The following NOVA2 variants were observed in gnomAD, a reference collection of about 807,000 sequenced individuals.
NOVA2 encodes the protein NOVA alternative splicing regulator 2, also known as RNA-binding protein Nova-2.
A neutral mutation model predicts 22.5 loss-of-function variants in NOVA2; 9 were observed. That is an observed-to-expected ratio of 0.40 (90% CI 0.24 to 0.70). The LOEUF (loss-of-function observed/expected upper bound fraction) is 0.70. NOVA2 is among the 30% of genes least tolerant of loss of function. The probability of loss-of-function intolerance (pLI) is 0.38; values close to 1 mark genes in which losing one functional copy is unlikely to be tolerated. For synonymous variants in NOVA2, 318 were observed against 335.2 expected (o/e 0.95, Z 0.56); for missense variants, 383 against 682.8 (o/e 0.56, Z 4.89).
chr19:45,940,667 G>C lies in NOVA2; in HGVS notation c.675C>G (p.Asn225Lys). The C allele has an allele frequency of 6.3e-7, 1 of 1,593,626 alleles. No individual in the cohort carries two copies. Among genetic ancestry groups the C allele is most frequent in the Non-Finnish European group, 8.5e-7 (1 of 1,172,158 alleles). ...GGCTGGCGTACGGAGAGCCGGTGGGGTTGGAGTTGGCCACGGGGCCTGCCA... is the reference window on the plus strand; with the variant it reads ...GGCTGGCGTACGGAGAGCCGGTGGGCTTGGAGTTGGCCACGGGGCCTGCCA... Reference protein sequence around the residue: ...ANVAGPVANSNPTGSPYASPA... With the variant: ...ANVAGPVANSKPTGSPYASPA... Residue 225 changes from asparagine to lysine, a missense_variant, in exon 4 of 4, where the codon AAC becomes AAG. Asn to Lys is a moderately conservative substitution (Grantham distance 94). Transcript: ENST00000263257.
At chr19:45,963,650 G>A (rs954944214) in intron 1 of NOVA2, among the ~76,000 whole-genome samples, 1 of 151,608 alleles carries the variant, frequency 6.6e-6, no homozygotes, top group African/African-American at 2.4e-5. Flanking sequence ...TCCTGCCTCA[G>A]CCTCCCGAGT....
In NOVA2 at chr19:45,933,916, T is replaced by G. The variant is rs1967624975; in HGVS notation, c.*5947A>C. 6.6e-6 allele frequency: 1 copy of G among 150,516 alleles called. No homozygotes were observed. Among genetic ancestry groups the G allele is most frequent in the African/African-American group, 2.5e-5 (1 of 40,654 alleles). 9.3% of individuals were successfully genotyped at this position (150,516 alleles called of 1,614,324 possible). On this transcript the variant is annotated 3_prime_UTR_variant, in exon 4 of 4. Transcript: ENST00000263257. ...GGTGGGCGTGGCCCAGGCATGGCAA[T>G]GTGGGGAGTGGGAGGAGACGGCAGT...
At chr19:45,953,689 A>G (rs151202150) in intron 3 of NOVA2, 91 bp downstream of exon 3, 750 of 1,490,090 alleles carry the variant, frequency 5.0e-4, no homozygotes, top group Non-Finnish European at 6.4e-4. Flanking sequence ...GCTTTGTCCC[A>G]TTGAACCTCA....
At chr19:45,944,766 G>A (rs1967812576) in intron 3 of NOVA2, among the ~76,000 whole-genome samples, 1 of 152,208 alleles carries the variant, frequency 6.6e-6, no homozygotes, top group African/African-American at 2.4e-5. Flanking sequence ...TAGATTAGTG[G>A]TTGCCAGGGA....
At position 45,953,913 on chromosome 19, in the gene NOVA2, G is replaced by A. The variant is rs781569043; in HGVS notation, c.263C>T (p.Thr88Met). ...GTGCACAGCATTCAAGGCCTCTGCC[G>A]TGCCCTGTACTAGGCATACCCGCTC... ...TTERVCLVQG[T>M]AEALNAVHSF... The change falls in exon 3 of 4, where the codon ACG becomes ATG. Residue 88 changes from threonine (T) to methionine (M), a missense_variant. Coordinates refer to ENST00000263257, the MANE Select transcript of NOVA2 (RefSeq NM_002516.4). 3.1e-6 allele frequency: 5 copies of A among 1,614,008 alleles called. No individual in the cohort carries two copies. Among genetic ancestry groups the A allele is most frequent in the Non-Finnish European group, 3.4e-6 (4 of 1,180,024 alleles).
At chr19:45,973,213 G>T in intron 1 of NOVA2, 54 bp downstream of exon 1, 1 of 1,047,668 alleles carries the variant, frequency 9.5e-7, no homozygotes, top group Non-Finnish European at 1.3e-6. Flanking sequence ...AAAGGATGGA[G>T]AAAGGCGAGG....
At chr19:45,946,690 G>A (rs867424414) in intron 3 of NOVA2, among the ~76,000 whole-genome samples, 3 of 152,028 alleles carry the variant, frequency 2.0e-5, no homozygotes, top group Non-Finnish European at 2.9e-5. Flanking sequence ...TGGCTAACAT[G>A]GTGAAACCCC....
intron 1 of NOVA2, among the ~76,000 whole-genome samples, chr19:45,971,388 C>T (rs1968230317): frequency 6.6e-6 from 1 of 151,930 alleles, no homozygotes; most frequent in Admixed American, 6.6e-5. Flanking sequence ...GGACTGGGAA[C>T]AGCAGTGGGG....
chr19:45,972,199 G>A (rs928392048), intron 1 of NOVA2, among the ~76,000 whole-genome samples: 5 of 151,670 alleles, frequency 3.3e-5, no homozygotes, highest in Non-Finnish European at 4.4e-5. Context: ...ACCCTCGTGC[G>A]TTTCACCCAC....
Position 45,953,794 on chromosome 19 carries a change from C to G in NOVA2, c.382G>C (p.Asp128His). ...ILQPQTTMNP[D>H]RAKQAKLIVP... ...CCCCAGCTGACCTGCTTGGCTCTGT[C>G]GGGGTTCATCGTGGTTTGGGGTTGA... The change falls in exon 3 of 4, where the codon GAC (aspartate) becomes CAC (histidine). Residue 128 changes from aspartate to histidine, a missense_variant. By Grantham distance (81) the Asp-to-His change is moderately conservative. Transcript: ENST00000263257. 1 of 1,614,140 alleles carries G rather than the reference C, an allele frequency of 6.2e-7. No individual in the cohort carries two copies. The highest frequency in any genetic ancestry group is 8.5e-7 in the Non-Finnish European group (1 of 1,180,036).
chr19:45,953,633 A>G lies in NOVA2; in HGVS notation c.396+147T>C, dbSNP rs532359441. The stretch of plus-strand genomic sequence containing the variant: ...TATTAGAGCTGACTCCCTAAAAATA[A>G]TACTAACCACTACCATGTGGTCTTT... On this transcript the variant is annotated intron_variant, in intron 3 of 3. Transcript: ENST00000263257. 1.7e-4 allele frequency: 162 copies of G among 955,806 alleles called. 1 individual carries two copies. In the African/African-American group the frequency reaches 2.2e-3, roughly 13 times the overall value. 59.2% of individuals were successfully genotyped at this position (955,806 alleles called of 1,614,324 possible). A position where few individuals can be genotyped will look rare whatever the true frequency, so the allele number is the denominator to read the frequency against.
rs1289379470 is a variant in NOVA2, at chr19:45,937,189, AG to A, written c.*2673del. 1.3e-5 allele frequency: 2 copies of A among 152,182 alleles called. No homozygotes were observed. The highest frequency in any genetic ancestry group is 4.8e-5 in the African/African-American group (2 of 41,426). 9.4% of individuals were successfully genotyped at this position (152,182 alleles called of 1,614,324 possible). On this transcript the variant is annotated 3_prime_UTR_variant, in exon 4 of 4. Coordinates refer to ENST00000263257, the MANE Select transcript of NOVA2 (RefSeq NM_002516.4). ...TATGAATAGGGAGGGGTTGTTACAC[AG>A]ACACCCCAAGCAAACACTTTTCAGG... is the stretch of plus-strand genomic sequence containing the variant.
At chr19:45,958,403 G>A (rs1431131418) in intron 2 of NOVA2, among the ~76,000 whole-genome samples, 1 of 151,718 alleles carries the variant, frequency 6.6e-6, no homozygotes, top group Non-Finnish European at 1.5e-5. Flanking sequence ...GCATGTGTGT[G>A]AGTGGGGTGT....
At chr19:45,971,035 G>C (rs953620299) in intron 1 of NOVA2, among the ~76,000 whole-genome samples, 3 of 152,140 alleles carry the variant, frequency 2.0e-5, no homozygotes, top group Non-Finnish European at 4.4e-5. Flanking sequence ...CTAGGGTTGG[G>C]TAAATTCTAG....
intron 1 of NOVA2, among the ~76,000 whole-genome samples, chr19:45,964,560 G>GTTCTCTCTCT (rs1364587148): frequency 2.4e-4 from 3 of 12,506 alleles, no homozygotes; most frequent in Non-Finnish European, 5.1e-4. Flanking sequence ...AACACTCTCT[G>GTTCTCTCTCT]ATCTCTCTCT....
chr19:45,964,378 G>A (rs1968141253), intron 1 of NOVA2, among the ~76,000 whole-genome samples: 1 of 149,416 alleles, frequency 6.7e-6, no homozygotes, highest in Admixed American at 6.7e-5. Context: ...GTGTGTGTGT[G>A]TGTGTGTGTG....
intron 1 of NOVA2, among the ~76,000 whole-genome samples, chr19:45,970,042 CCA>C (rs780427203): frequency 3.3e-4 from 50 of 152,186 alleles, no homozygotes; most frequent in Non-Finnish European, 6.3e-4. Flanking sequence ...TAGTGTCTCC[CCA>C]CACAATGGAG....
intron 3 of NOVA2, among the ~76,000 whole-genome samples, chr19:45,950,319 C>T (rs183340837): frequency 2.1e-3 from 320 of 151,652 alleles, no homozygotes; most frequent in Non-Finnish European, 4.0e-3. Flanking sequence ...CCACCATGCC[C>T]GGCTAATTTT....
intron 3 of NOVA2, among the ~76,000 whole-genome samples, chr19:45,943,926 G>A (rs1967799918): frequency 6.6e-6 from 1 of 152,164 alleles, no homozygotes; most frequent in Non-Finnish European, 1.5e-5. Flanking sequence ...AGTAAATCAA[G>A]AGCAGATTGT....
Sources: gnomAD v4.1 joint callset for allele counts (sites outside exome capture counted in the v4.1 genomes callset) on GRCh38, gnomAD v4.1.1 for gene constraint, MANE v1.5 for transcripts, NCBI Gene and HGNC (gene_info 2026-07-23, HGNC 2026-07-21) for gene names.